Variants in ARHGEF3 observed in about 807,000 individuals in gnomAD.
The protein encoded by ARHGEF3 is Rho guanine nucleotide exchange factor 3, also known as 59.8 kDA protein.
A neutral mutation model predicts 63.2 loss-of-function variants in ARHGEF3; 28 were observed. The observed-to-expected ratio is 0.44, with a 90% CI of 0.33 to 0.61. ARHGEF3 has a LOEUF of 0.61. Among genes scored for constraint, ARHGEF3 ranks in the 20% least tolerant of loss-of-function variants. The pLI is 0.03. For missense variants in ARHGEF3, 533 were observed against 659.3 expected, an observed-to-expected ratio of 0.81 and a Z score of 2.10; for synonymous variants, 266 against 254.2, an observed-to-expected ratio of 1.05 and a Z score of -0.44.
intron 1 of ARHGEF3, among the ~76,000 whole-genome samples, chr3:56,777,723 T>C (rs1285069620): frequency 6.6e-6 from 1 of 152,122 alleles, no homozygotes; most frequent in Non-Finnish European, 1.5e-5. Flanking sequence ...ATAGTAGGAA[T>C]ATCATCTATG....
At chr3:57,059,378 T>A (rs1012811516) in intron 1 of ARHGEF3, among the ~76,000 whole-genome samples, 4 of 151,492 alleles carry the variant, frequency 2.6e-5, no homozygotes, top group Middle Eastern at 3.2e-3. Context: ...CAATAGCTGA[T>A]GAACTAAAAA....
intron 3 of ARHGEF3, among the ~76,000 whole-genome samples, chr3:56,896,007 T>C (rs1560029934): frequency 6.6e-6 from 1 of 152,194 alleles, no homozygotes; most frequent in Non-Finnish European, 1.5e-5. Flanking sequence ...TGGCAGATCC[T>C]GCAGAGCTGG....
At chr3:57,066,878 C>G (rs1705569058) in intron 1 of ARHGEF3, among the ~76,000 whole-genome samples, 1 of 152,132 alleles carries the variant, frequency 6.6e-6, no homozygotes, top group Non-Finnish European at 1.5e-5. Context: ...CCCTGGGTCT[C>G]CGGCCTGCCA....
intron 3 of ARHGEF3, among the ~76,000 whole-genome samples, chr3:56,907,947 C>T (rs62251088): frequency 0.28 from 42,882 of 152,030 alleles, 6,777 homozygotes; most frequent in Non-Finnish European, 0.36. Flanking sequence ...ATGAAATAAT[C>T]GATACAACAA....
At chr3:56,792,113 AAAAAGAAAAGAAAAG>A (rs373883575) in intron 1 of ARHGEF3, among the ~76,000 whole-genome samples, 2 of 139,984 alleles carry the variant, frequency 1.4e-5, no homozygotes, top group Admixed American at 7.0e-5. Context: ...CAAAAAAAAA[AAAAAGAAAAGAAAAG>A]AAAAGAAAAG....
chr3:56,853,774 C>T (rs2039762516), intron 4 of ARHGEF3, among the ~76,000 whole-genome samples: 1 of 152,222 alleles, frequency 6.6e-6, no homozygotes, highest in African/African-American at 2.4e-5. Context: ...GCACATACTA[C>T]ATGCCAAGAG....
chr3:56,802,202 T>G (rs1024033378), upstream of ARHGEF3, among the ~76,000 whole-genome samples: 1 of 152,150 alleles, frequency 6.6e-6, no homozygotes, highest in Non-Finnish European at 1.5e-5. Flanking sequence ...GACCCCATGA[T>G]AGCTCCTTTC....
In ARHGEF3 at chr3:57,045,613, A is replaced by G. The variant is rs567318313; in HGVS notation, c.-27-10437T>C. Among the ~76,000 whole-genome samples, 6 of 152,338 alleles carry G rather than the reference A, an allele frequency of 3.9e-5. No homozygotes were observed. The East Asian group carries it at 1.2e-3, about 29-fold the overall frequency. ...GCTTCAAATGCTCAACCCACTCAGC[A>G]ATGTTGTCAGGAACTCTTATCTCCT... is the stretch of plus-strand genomic sequence containing the variant. On this transcript the variant is annotated intron_variant, in intron 1 of 12. Transcript: ENST00000338458.
chr3:56,911,580 T>C (rs2041853894), intron 3 of ARHGEF3, among the ~76,000 whole-genome samples: 1 of 152,120 alleles, frequency 6.6e-6, no homozygotes, highest in Non-Finnish European at 1.5e-5. Flanking sequence ...GAGTGTTCCA[T>C]CAAGAGAGGC....
chr3:57,070,336 GC>G (rs777889006), intron 1 of ARHGEF3, among the ~76,000 whole-genome samples: 64 of 146,450 alleles, frequency 4.4e-4, no homozygotes, highest in South Asian at 8.3e-4. Flanking sequence ...TCTTACCCAA[GC>G]CTTAAATTAG....
intron 2 of ARHGEF3, among the ~76,000 whole-genome samples, chr3:57,033,638 G>A (rs1184963452): frequency 6.6e-6 from 1 of 152,088 alleles, no homozygotes; most frequent in Non-Finnish European, 1.5e-5. Flanking sequence ...AGATCCCAGT[G>A]GTTACTTCTG....
intron 3 of ARHGEF3, among the ~76,000 whole-genome samples, chr3:56,921,740 T>G (rs1392434955): frequency 6.6e-6 from 1 of 152,226 alleles, no homozygotes; most frequent in Non-Finnish European, 1.5e-5. Context: ...GTTGATGCTC[T>G]TGGAGAGCCC....
rs2032865252 is a variant in ARHGEF3 at position 56,728,367 on chromosome 3, G to A, written c.*903C>T. ...TTCCTCTCCTGTGTTTCTATAAACA[G>A]TGTCATCGATAGAGTCATGGTCTCT... On this transcript the variant is annotated 3_prime_UTR_variant, in exon 10 of 10. Transcript: ENST00000296315. 1 of 152,656 alleles carries A rather than the reference G, an allele frequency of 6.6e-6. No individual in the cohort carries two copies. The highest frequency in any genetic ancestry group is 2.4e-5 in the African/African-American group (1 of 41,442). The allele number at this position is 152,656 out of a possible 1,614,324, so 9.5% of individuals were successfully genotyped here.
intron 1 of ARHGEF3, among the ~76,000 whole-genome samples, chr3:56,784,507 C>T (rs1021971993): frequency 2.6e-5 from 4 of 152,310 alleles, no homozygotes; most frequent in Non-Finnish European, 5.9e-5. Flanking sequence ...GTCTCTGTGA[C>T]TTTGGGGTTC....
intron 2 of ARHGEF3, among the ~76,000 whole-genome samples, chr3:57,000,652 G>A (rs1401075039): frequency 6.6e-6 from 1 of 152,024 alleles, no homozygotes; most frequent in Admixed American, 6.6e-5. Flanking sequence ...CCTGCCTCAG[G>A]CTCCAGAGTA....
chr3:56,868,523 C>T (rs1342403691), intron 4 of ARHGEF3, among the ~76,000 whole-genome samples: 6 of 152,004 alleles, frequency 3.9e-5, no homozygotes, highest in Middle Eastern at 3.4e-3. Context: ...CCACCACATC[C>T]GGCTAATTTT....
chr3:57,005,983 A>T (rs1702451857), intron 2 of ARHGEF3, among the ~76,000 whole-genome samples: 1 of 152,222 alleles, frequency 6.6e-6, no homozygotes, highest in Admixed American at 6.5e-5. Flanking sequence ...AACGCATATG[A>T]CAACATACAG....
intron 1 of ARHGEF3, among the ~76,000 whole-genome samples, chr3:56,799,381 C>T (rs1484907824): frequency 6.6e-6 from 1 of 152,212 alleles, no homozygotes; most frequent in Admixed American, 6.5e-5. Context: ...TTAAAGGGCA[C>T]AGGTGCTCTG....
intron 7 of ARHGEF3, among the ~76,000 whole-genome samples, chr3:56,742,525 AATTT>A (rs2034104991): frequency 6.6e-6 from 1 of 152,164 alleles, no homozygotes; most frequent in African/African-American, 2.4e-5. Flanking sequence ...ATTGATGGGA[AATTT>A]ATTCATGGGA....
Sources: allele counts gnomAD v4.1 joint callset (sites outside exome capture counted in the v4.1 genomes callset), GRCh38; gene constraint gnomAD v4.1.1; transcripts MANE v1.5; gene names NCBI Gene and HGNC (gene_info 2026-07-23, HGNC 2026-07-21).